Variants in UBP1 observed in about 807,000 individuals in gnomAD.
UBP1 encodes the protein upstream binding protein 1, also known as upstream-binding protein 1.
A neutral mutation model predicts 76.1 loss-of-function variants in UBP1; 22 were observed. The observed-to-expected ratio is 0.29, with a 90% CI of 0.21 to 0.41. The LOEUF (loss-of-function observed/expected upper bound fraction) is 0.41, where lower values mean the gene tolerates loss of function less well. Ranked by LOEUF, UBP1 falls within the 10% of genes least tolerant of loss-of-function variation. UBP1 has a pLI of 1.00. For missense variants in UBP1, 436 were observed against 668.1 expected, an observed-to-expected ratio of 0.65 and a Z score of 3.83; for synonymous variants, 224 against 237.1, an observed-to-expected ratio of 0.94 and a Z score of 0.51.
At chr3:33,411,495 A>C in intron 5 of UBP1, 86 bp downstream of exon 5, 1 of 1,132,598 alleles carries the variant, frequency 8.8e-7, no homozygotes, top group Non-Finnish European at 1.3e-6. Flanking sequence ...AGACATTTAA[A>C]GGAAATGATA....
intron 1 of UBP1, among the ~76,000 whole-genome samples, chr3:33,431,339 G>C (rs1383216112): frequency 6.6e-6 from 1 of 152,126 alleles, no homozygotes; most frequent in South Asian, 2.1e-4. Flanking sequence ...TAGAACTGGT[G>C]AAATATACCA....
chr3:33,425,862 A>G, intron 1 of UBP1, 121 bp from the exon 2 acceptor site: 1 of 849,572 alleles, frequency 1.2e-6, no homozygotes, highest in Non-Finnish European at 1.6e-6. Context: ...ACATTTAGGG[A>G]TAGTTTTTTT....
chr3:33,395,978 G>A (rs1048191128), intron 13 of UBP1, among the ~76,000 whole-genome samples, 184 bp downstream of exon 13: 3 of 152,126 alleles, frequency 2.0e-5, no homozygotes, highest in Admixed American at 1.3e-4. Flanking sequence ...AAGAATGCCA[G>A]TTTCCTCTTC....
At chr3:33,397,333 T>C in intron 11 of UBP1, 198 bp from the exon 12 acceptor site, 1 of 435,790 alleles carries the variant, frequency 2.3e-6, no homozygotes. Context: ...TTCCATGTCC[T>C]GTATCAAGAA....
chr3:33,396,810 T>C, intron 12 of UBP1: 1 of 662,336 alleles, frequency 1.5e-6, no homozygotes, highest in Non-Finnish European at 2.8e-6. Flanking sequence ...GTACTGCCCA[T>C]GTGCATTTCT....
chr3:33,441,375 C>T (rs1306821827), upstream of UBP1: 1 of 152,302 alleles, frequency 6.6e-6, no homozygotes, highest in East Asian at 1.9e-4. Flanking sequence ...CTGCATCGAA[C>T]TTACTGCCTA....
intron 4 of UBP1, among the ~76,000 whole-genome samples, chr3:33,412,276 A>T (rs2044606081): frequency 6.6e-6 from 1 of 152,056 alleles, no homozygotes. Context: ...TAGCACCAAA[A>T]AGCTACTTGA....
chr3:33,401,664 T>G (rs2044233917), intron 9 of UBP1, among the ~76,000 whole-genome samples: 2 of 152,346 alleles, frequency 1.3e-5, no homozygotes, highest in South Asian at 4.1e-4. Context: ...CTTGATTATT[T>G]ATATCCTTTC....
chr3:33,391,459 C>T (rs13084502), intron 15 of UBP1: 75,758 of 152,062 alleles, frequency 0.5, 19,407 homozygotes, highest in Admixed American at 0.61. Context: ...TGAGTCACTG[C>T]TGATATGCTG....
Position 33,400,282 on chromosome 3 carries a change from G to A in UBP1, c.1087C>T (p.Gln363Ter), listed in dbSNP as rs1559671838. ...GDGASQTSGEQIQPSATIQET... is the reference protein window; with the variant it reads ...GDGASQTSGE The stretch of plus-strand genomic sequence containing the variant: ...TGGATCGTAGCTGAAGGCTGAATTT[G>A]CTATTAACAATGAAAATGAACATAA... The change falls in exon 11 of 16, where the codon CAA becomes TAA. Residue 363 changes from glutamine to a stop codon, truncating the protein, a stop_gained and splice_region_variant. Coordinates refer to ENST00000283629, the MANE Select transcript of UBP1 (RefSeq NM_014517.5). LOFTEE classifies it high-confidence loss of function. 1 of 1,591,604 alleles carries A rather than the reference G, an allele frequency of 6.3e-7. No individual in the cohort carries two copies.
intron 2 of UBP1, among the ~76,000 whole-genome samples, chr3:33,421,036 A>G (rs1401203778): frequency 6.6e-6 from 1 of 152,232 alleles, no homozygotes; most frequent in East Asian, 1.9e-4. Flanking sequence ...GTAGCAAGTC[A>G]GCAAGGGGGT....
At chr3:33,408,560 C>G (rs1575470224) in intron 8 of UBP1, 130 bp downstream of exon 8, 1 of 658,704 alleles carries the variant, frequency 1.5e-6, no homozygotes, top group East Asian at 3.0e-5. Flanking sequence ...GAAGTCTAAA[C>G]AAAAGCAAAT....
intron 4 of UBP1, among the ~76,000 whole-genome samples, chr3:33,412,405 A>T (rs1438344672): frequency 6.6e-6 from 1 of 151,906 alleles, no homozygotes; most frequent in African/African-American, 2.4e-5. Flanking sequence ...GTATGTATAT[A>T]TAGAAAACAA....
At chr3:33,432,618 T>C (rs2045132902) in intron 1 of UBP1, among the ~76,000 whole-genome samples, 1 of 152,218 alleles carries the variant, frequency 6.6e-6, no homozygotes, top group African/African-American at 2.4e-5. Flanking sequence ...GTCTCATCTT[T>C]GCATTCCCCA....
At position 33,393,411 on chromosome 3, in the gene UBP1, A is replaced by G. The variant is rs767105399; in HGVS notation, c.1434T>C (p.Val478=). The G allele has an allele frequency of 1.9e-6, 3 of 1,613,690 alleles. No homozygotes were observed. Among genetic ancestry groups the G allele is most frequent in the Non-Finnish European group, 2.5e-6 (3 of 1,179,790 alleles). The part of the protein sequence containing the change: ...IYLEEMIASE[V]ARKLALVFNI... ...TAAACACCAGCGCAAGTTTTCGAGCAACTTCTGAGGCAATCATTTCTTCCA... is the reference window on the plus strand; with the variant it reads ...TAAACACCAGCGCAAGTTTTCGAGCGACTTCTGAGGCAATCATTTCTTCCA... The change falls in exon 14 of 16, where the codon GTT becomes GTC. Residue 478 remains valine, a synonymous_variant. Coordinates refer to ENST00000283629, the MANE Select transcript of UBP1 (RefSeq NM_014517.5).
At chr3:33,430,894 T>A (rs954014045) in intron 1 of UBP1, among the ~76,000 whole-genome samples, 1 of 152,090 alleles carries the variant, frequency 6.6e-6, no homozygotes. Context: ...GCTTGAGACA[T>A]CTCACTGATT....
chr3:33,424,846 G>C (rs1262669700), intron 2 of UBP1, among the ~76,000 whole-genome samples: 2 of 152,178 alleles, frequency 1.3e-5, no homozygotes, highest in Non-Finnish European at 2.9e-5. Flanking sequence ...AGGAGTCTGA[G>C]ACTAGCCTGG....
At chr3:33,416,592 C>G (rs2044734707) in intron 3 of UBP1, among the ~76,000 whole-genome samples, 166 bp downstream of exon 3, 1 of 152,104 alleles carries the variant, frequency 6.6e-6, no homozygotes, top group Non-Finnish European at 1.5e-5. Flanking sequence ...TTACTCTACC[C>G]AATAACTGCT....
chr3:33,401,083 T>C, intron 9 of UBP1, 67 bp from the exon 10 acceptor site: 1 of 1,431,900 alleles, frequency 7.0e-7, no homozygotes, highest in East Asian at 2.5e-5. Context: ...ATCAAGGCAT[T>C]AAAAGCTGTT....
Sources: gnomAD v4.1 joint callset for allele counts (sites outside exome capture counted in the v4.1 genomes callset) on GRCh38, gnomAD v4.1.1 for gene constraint, MANE v1.5 for transcripts, NCBI Gene and HGNC (gene_info 2026-07-23, HGNC 2026-07-21) for gene names.